The following KLHL3 variants were observed in gnomAD, a reference collection of about 807,000 sequenced individuals.
KLHL3 encodes the protein kelch like family member 3.
A neutral mutation model predicts 70.5 loss-of-function variants in KLHL3; 19 were observed. The observed-to-expected ratio is 0.27, with a 90% CI of 0.19 to 0.40. The LOEUF (loss-of-function observed/expected upper bound fraction) is 0.40. Ranked by LOEUF, KLHL3 falls within the 10% of genes least tolerant of loss-of-function variation. The pLI, the probability that KLHL3 is intolerant of heterozygous loss-of-function variation, is 1.00. For synonymous variants in KLHL3, 258 were observed against 290.3 expected (o/e 0.89, Z 1.13); for missense variants, 512 against 771.1 (o/e 0.66, Z 3.98).
rs143173247 is a variant in KLHL3, at chr5:137,710,647, T to C, written c.135-791A>G. On this transcript the variant is annotated intron_variant, in intron 2 of 14. Coordinates refer to ENST00000309755, the MANE Select transcript of KLHL3 (RefSeq NM_017415.3). ...AATAGGGATCTGACTACTTTAGAGATTGATAGGGTGCCACAAGCTCCCATC... is the reference window on the plus strand; with the variant it reads ...AATAGGGATCTGACTACTTTAGAGACTGATAGGGTGCCACAAGCTCCCATC... Among the ~76,000 whole-genome samples, 11 of 152,284 alleles carry C rather than the reference T, an allele frequency of 7.2e-5. No individual in the cohort carries two copies. In the South Asian group the frequency reaches 1.0e-3, roughly 14 times the overall value.
At chr5:137,652,653 G>A (rs1051951635) in intron 8 of KLHL3, among the ~76,000 whole-genome samples, 2 of 152,186 alleles carry the variant, frequency 1.3e-5, no homozygotes, top group Non-Finnish European at 2.9e-5. Flanking sequence ...TGGTTACCAA[G>A]GGATAGGGGA....
chr5:137,633,203 C>T (rs549174678), intron 12 of KLHL3, among the ~76,000 whole-genome samples: 2 of 148,598 alleles, frequency 1.3e-5, no homozygotes, highest in East Asian at 2.0e-4. Flanking sequence ...TGGCGGAACC[C>T]GGGAGGCGGA....
intron 1 of KLHL3, chr5:137,725,120 C>T: frequency 1.1e-6 from 1 of 915,676 alleles, no homozygotes; most frequent in Non-Finnish European, 1.3e-6. Context: ...CTATCAAGTC[C>T]CAATCCCAAG....
rs185523453 is a variant in KLHL3 at position 137,719,280 on chromosome 5, A to C, written c.134+1185T>G. Among the ~76,000 whole-genome samples, 4 of 152,380 alleles carry C rather than the reference A, an allele frequency of 2.6e-5. No homozygotes were observed. The East Asian group carries it at 7.7e-4, about 29-fold the overall frequency. On this transcript the variant is annotated intron_variant, in intron 2 of 14. Coordinates refer to ENST00000309755, the MANE Select transcript of KLHL3 (RefSeq NM_017415.3). ...TTTATATTTTTTACTTTGTACCCCA[A>C]TGACCCATTCCAGGGCCTAGCCAGT...
At chr5:137,622,233 G>T in intron 14 of KLHL3, 107 bp from the exon 15 acceptor site, 1 of 1,339,462 alleles carries the variant, frequency 7.5e-7, no homozygotes, top group Non-Finnish European at 1.1e-6. Context: ...CAAGGGAAAT[G>T]TGTGCAATTT....
At chr5:137,718,243 G>A (rs1400038419) in intron 2 of KLHL3, among the ~76,000 whole-genome samples, 1 of 152,162 alleles carries the variant, frequency 6.6e-6, no homozygotes, top group Non-Finnish European at 1.5e-5. Context: ...TGTTAGAGAT[G>A]GCTAAATCTA....
At chr5:137,625,213 C>T (rs1750430195) in intron 14 of KLHL3, among the ~76,000 whole-genome samples, 1 of 152,270 alleles carries the variant, frequency 6.6e-6, no homozygotes, top group Non-Finnish European at 1.5e-5. Flanking sequence ...GATTGTGATC[C>T]ACCCTCAAAG....
chr5:137,681,640 A>G (rs1266546817), intron 5 of KLHL3, among the ~76,000 whole-genome samples: 1 of 152,178 alleles, frequency 6.6e-6, no homozygotes, highest in Non-Finnish European at 1.5e-5. Context: ...CCGGGGGCAT[A>G]GTACCTTTTA....
chr5:137,700,272 G>T (rs1431114966), intron 3 of KLHL3, among the ~76,000 whole-genome samples: 1 of 152,226 alleles, frequency 6.6e-6, no homozygotes, highest in Non-Finnish European at 1.5e-5. Flanking sequence ...AAAGTTCATT[G>T]ATGAGGGTCC....
chr5:137,724,950 A>G (rs1753063809), intron 1 of KLHL3: 2 of 597,884 alleles, frequency 3.3e-6, no homozygotes, highest in Non-Finnish European at 4.2e-6. Context: ...TAGTGCATGC[A>G]TGTACATAAA....
In KLHL3 at chr5:137,692,363, T is replaced by C; in HGVS notation, c.448A>G (p.Thr150Ala). The change falls in exon 5 of 15, where the codon ACC (threonine) becomes GCC (alanine). Residue 150 changes from threonine (T) to alanine (A), a missense_variant. Physicochemically the swap from Thr to Ala is moderately conservative, Grantham distance 58. Coordinates refer to ENST00000309755, the MANE Select transcript of KLHL3 (RefSeq NM_017415.3). ...CDFLQSQLHPTNCLGIRAFAD... is the reference protein window; with the variant it reads ...CDFLQSQLHPANCLGIRAFAD... ...AATGCACGGATGCCCAGGCAATTGG[T>C]GGGATGCAACTGAGACTGCAGGAAG... 6.2e-7 allele frequency: 1 copy of C among 1,613,880 alleles called. No homozygotes were observed. The highest frequency in any genetic ancestry group is 8.5e-7 in the Non-Finnish European group (1 of 1,179,982).
chr5:137,695,977 G>A (rs968443442), intron 4 of KLHL3, among the ~76,000 whole-genome samples: 1 of 152,154 alleles, frequency 6.6e-6, no homozygotes, highest in African/African-American at 2.4e-5. Flanking sequence ...ACAGTTCTTG[G>A]AAAACAGGCC....
chr5:137,683,754 T>G (rs1343474811), intron 5 of KLHL3, among the ~76,000 whole-genome samples: 1 of 102,696 alleles, frequency 9.7e-6, no homozygotes, highest in African/African-American at 3.8e-5. Context: ...TCTCTCTCTC[T>G]CTAGCTCTCT....
intron 8 of KLHL3, among the ~76,000 whole-genome samples, chr5:137,646,344 A>G (rs1446083176): frequency 6.6e-6 from 1 of 152,188 alleles, no homozygotes; most frequent in Non-Finnish European, 1.5e-5. Context: ...TGGGAAAGTA[A>G]ATTAGTACAG....
chr5:137,652,924 A>C (rs1751240983), intron 8 of KLHL3: 1 of 152,124 alleles, frequency 6.6e-6, no homozygotes, highest in Non-Finnish European at 1.5e-5. Flanking sequence ...TACATGATAA[A>C]TGCATATAAC....
Position 137,684,465 on chromosome 5 carries a change from C to CA in KLHL3, c.527-6812dup, listed in dbSNP as rs564997520. ...CATGATCTCAAATGACTCAATCAAT[C>CA]AAAAAAAGGCCATTTCTCTCCATAA... On this transcript the variant is annotated intron_variant, in intron 5 of 14. Coordinates refer to ENST00000309755, the MANE Select transcript of KLHL3 (RefSeq NM_017415.3). Among the ~76,000 whole-genome samples, 819 of 152,096 alleles carry CA rather than the reference C, an allele frequency of 5.4e-3. 9 individuals carry two copies. Among genetic ancestry groups the CA allele is most frequent in the African/African-American group, 0.019 (775 of 41,460 alleles).
intron 8 of KLHL3, among the ~76,000 whole-genome samples, chr5:137,644,564 T>C (rs1311435212): frequency 6.6e-6 from 1 of 152,154 alleles, no homozygotes; most frequent in African/African-American, 2.4e-5. Flanking sequence ...CATATGGTAG[T>C]TCTACTTTTA....
At chr5:137,652,780 A>G (rs796321639) in intron 8 of KLHL3, among the ~76,000 whole-genome samples, 41 of 152,324 alleles carry the variant, frequency 2.7e-4, no homozygotes, top group African/African-American at 7.9e-4. Context: ...AATGTATTAT[A>G]TTCTTGAAAA....
Position 137,618,331 on chromosome 5 carries a change from C to CAAG in KLHL3, c.*3766_*3767insCTT, listed in dbSNP as rs1561576695. The CAAG allele has an allele frequency of 6.6e-6, 1 of 151,762 alleles. No homozygotes were observed. Among genetic ancestry groups the CAAG allele is most frequent in the Non-Finnish European group, 1.5e-5 (1 of 67,918 alleles). The allele number at this position is 151,762 out of a possible 1,614,324, so 9.4% of individuals were successfully genotyped here. Reference sequence around the variant, plus strand: ...GCAATTTAAATGGCACCTGTCCCAACAATAATAATAATAATAATAAATTTT... The same window carrying CAAG: ...GCAATTTAAATGGCACCTGTCCCAACAAGAATAATAATAATAATAATAAATTTT... On this transcript the variant is annotated 3_prime_UTR_variant, in exon 15 of 15. Coordinates refer to ENST00000309755, the MANE Select transcript of KLHL3 (RefSeq NM_017415.3).
Sources: gnomAD v4.1 joint callset for allele counts (sites outside exome capture counted in the v4.1 genomes callset) on GRCh38, gnomAD v4.1.1 for gene constraint, MANE v1.5 for transcripts, NCBI Gene and HGNC (gene_info 2026-07-23, HGNC 2026-07-21) for gene names.